The following LIMCH1 variants were observed in gnomAD, a reference collection of about 807,000 sequenced individuals.
LIMCH1 encodes LIM and calponin homology domains-containing protein 1.
Under a neutral mutation model 176.5 loss-of-function variants are expected in LIMCH1, and 113 were observed. The ratio of observed to expected loss-of-function variants is 0.64; its 90% CI spans 0.55 to 0.75. The LOEUF (loss-of-function observed/expected upper bound fraction) is 0.75, where lower values mean the gene tolerates loss of function less well. Ranked by LOEUF, LIMCH1 falls within the 30% of genes least tolerant of loss-of-function variation. The pLI is 0.00. For missense variants in LIMCH1, 1,674 were observed against 1,814.9 expected (o/e 0.92, Z 1.41); for synonymous variants, 619 against 645.9 (o/e 0.96, Z 0.63).
chr4:41,525,848 C>T (rs2076594159), intron 3 of LIMCH1, among the ~76,000 whole-genome samples: 1 of 151,916 alleles, frequency 6.6e-6, no homozygotes, highest in African/African-American at 2.4e-5. Flanking sequence ...TCTGTTTGTC[C>T]CTAAGCCTAT....
intron 1 of LIMCH1, among the ~76,000 whole-genome samples, chr4:41,483,841 T>C (rs2069073369): frequency 1.3e-5 from 2 of 152,218 alleles, no homozygotes; most frequent in Admixed American, 6.5e-5. Context: ...AGAGAGTTTA[T>C]TCTTCAGCCC....
rs139931904 is a variant in LIMCH1 at position 41,502,624 on chromosome 4, T to C, written c.167+8018T>C. On this transcript the variant is annotated intron_variant, in intron 2 of 26. Transcript: ENST00000313860. ...CTGACTGGCGTGAGACGATATCTCA[T>C]TGTGGTTTTGATTTGCATTTCTCTA... Among the ~76,000 whole-genome samples the C allele has an allele frequency of 1.8e-3, 276 of 152,310 alleles. 1 individual carries two copies. Among genetic ancestry groups the C allele is most frequent in the African/African-American group, 6.5e-3 (270 of 41,584 alleles).
At position 41,637,932 on chromosome 4, in the gene LIMCH1, C is replaced by T. The variant is rs375023028; in HGVS notation, c.2091-1000C>T. Among the ~76,000 whole-genome samples, 41 of 152,224 alleles carry T rather than the reference C, an allele frequency of 2.7e-4. 1 individual carries two copies. The highest frequency in any genetic ancestry group is 7.9e-4 in the African/African-American group (33 of 41,530). ...CATGGGACCAGGTAATTTTTGCTGC[C>T]GACTCCAAAATGTAATTTATTGGAA... is the stretch of plus-strand genomic sequence containing the variant. On this transcript the variant is annotated intron_variant, in intron 13 of 31. Transcript: ENST00000503057.
chr4:41,648,296 G>A (rs897179461), intron 17 of LIMCH1, among the ~76,000 whole-genome samples: 14 of 152,174 alleles, frequency 9.2e-5, no homozygotes, highest in African/African-American at 1.2e-4. Flanking sequence ...CAAAGTGATC[G>A]TTTAAACAGA....
At chr4:41,565,182 C>T (rs937486761) in intron 1 of LIMCH1, among the ~76,000 whole-genome samples, 1 of 152,010 alleles carries the variant, frequency 6.6e-6, no homozygotes, top group Admixed American at 6.6e-5. Context: ...CCTAGAAGCT[C>T]GTGGGATATT....
chr4:41,626,009 C>T (rs1422141324), intron 7 of LIMCH1, among the ~76,000 whole-genome samples: 2 of 151,614 alleles, frequency 1.3e-5, no homozygotes. Flanking sequence ...AGAACAAGAC[C>T]CTGTCTCTTA....
At position 41,648,658 on chromosome 4, in the gene LIMCH1, GGTGTGTGTGTGTGT is replaced by G. The variant is rs71650941; in HGVS notation, c.2821-1706_2821-1693del. 1.2e-3 allele frequency among the ~76,000 whole-genome samples: 163 copies of G among 135,400 alleles called. 1 individual carries two copies. The highest frequency in any genetic ancestry group is 2.5e-3 in the Admixed American group (33 of 13,356). 88.8% of individuals were successfully genotyped at this position (135,400 alleles called of 152,430 possible). On this transcript the variant is annotated intron_variant, in intron 17 of 31. Transcript: ENST00000503057. The stretch of plus-strand genomic sequence containing the variant: ...GCCAGGACAGAAGCTAAGGGGTAGG[GGTGTGTGTGTGTGT>G]GTGTGTGTGTGTGTGTGTGTGTGTG...
intron 1 of LIMCH1, among the ~76,000 whole-genome samples, chr4:41,591,738 T>C (rs545730597): frequency 2.0e-5 from 3 of 152,220 alleles, no homozygotes; most frequent in Non-Finnish European, 2.9e-5. Flanking sequence ...CTGGATTCAT[T>C]TGAAACCCAA....
chr4:41,605,688 A>G (rs1393778770), intron 3 of LIMCH1, among the ~76,000 whole-genome samples: 1 of 152,224 alleles, frequency 6.6e-6, no homozygotes, highest in Non-Finnish European at 1.5e-5. Flanking sequence ...TTAACTACTC[A>G]ACCGTGTTTG....
intron 6 of LIMCH1, chr4:41,619,754 G>C: frequency 2.7e-6 from 1 of 373,006 alleles, no homozygotes; most frequent in Non-Finnish European, 4.9e-6. Flanking sequence ...TGCGGAGACT[G>C]CTTGACTCCC....
chr4:41,523,563 T>C (rs1274622121), intron 2 of LIMCH1, among the ~76,000 whole-genome samples: 1 of 152,218 alleles, frequency 6.6e-6, no homozygotes, highest in Non-Finnish European at 1.5e-5. Flanking sequence ...AATAACATTC[T>C]ACATTCTACA....
chr4:41,473,006 C>T, intron 1 of LIMCH1: 1 of 983,422 alleles, frequency 1.0e-6, no homozygotes, highest in Non-Finnish European at 1.2e-6. Flanking sequence ...CCTCGGTAGG[C>T]CAGAGAATAA....
rs1016331340 is a variant in LIMCH1, at chr4:41,474,981, TA to T, written c.97-19545del. On this transcript the variant is annotated intron_variant, in intron 1 of 26. Transcript: ENST00000313860. Reference sequence around the variant, plus strand: ...TACACAAAGGAGTATTATTCAGCCTTAAAAAAAAAAGCCAGGAAATTCTGTC... The same window carrying T: ...TACACAAAGGAGTATTATTCAGCCTTAAAAAAAAAGCCAGGAAATTCTGTC... Among the ~76,000 whole-genome samples, 36 of 147,396 alleles carry T rather than the reference TA, an allele frequency of 2.4e-4. 1 individual carries two copies. The highest frequency in any genetic ancestry group is 1.4e-3 in the East Asian group (7 of 5,052).
chr4:41,668,258 A>G (rs919738971), intron 21 of LIMCH1, among the ~76,000 whole-genome samples: 1 of 152,188 alleles, frequency 6.6e-6, no homozygotes, highest in Non-Finnish European at 1.5e-5. Context: ...ACATGTGCTG[A>G]TGGATACTAG....
intron 2 of LIMCH1, among the ~76,000 whole-genome samples, chr4:41,502,919 A>G (rs1196633283): frequency 6.6e-6 from 1 of 151,768 alleles, no homozygotes; most frequent in Non-Finnish European, 1.5e-5. Context: ...ACACACACAC[A>G]CACACACACA....
At position 41,538,369 on chromosome 4, in the gene LIMCH1, A is replaced by G. The variant is rs899593565; in HGVS notation, c.-241+19A>G. 54 of 983,224 alleles carry G rather than the reference A, an allele frequency of 5.5e-5. No individual in the cohort carries two copies. The highest frequency in any genetic ancestry group is 6.4e-5 in the Non-Finnish European group (53 of 827,944). 60.9% of individuals were successfully genotyped at this position (983,224 alleles called of 1,614,324 possible). On this transcript the variant is annotated intron_variant, in intron 1 of 31. Coordinates refer to ENST00000503057, the MANE Select transcript of LIMCH1 (RefSeq NM_001330672.2). The stretch of plus-strand genomic sequence containing the variant: ...TGTGGGGGTAAGTAAAATTCATTAT[A>G]AAAGAAATACATGCTTAGGGGTATC...
At chr4:41,413,191 A>G (rs745608873) in intron 1 of LIMCH1, among the ~76,000 whole-genome samples, 2 of 150,282 alleles carry the variant, frequency 1.3e-5, no homozygotes, top group Non-Finnish European at 1.5e-5. Flanking sequence ...GAGCCATGTT[A>G]TTATATGCAA....
intron 26 of LIMCH1, 81 bp downstream of exon 26, chr4:41,682,541 T>C (rs2153049651): frequency 4.4e-6 from 6 of 1,357,918 alleles, no homozygotes; most frequent in Non-Finnish European, 6.0e-6. Flanking sequence ...TACTCATTGC[T>C]GATGCAAATT....
chr4:41,509,377 C>G (rs144852474), intron 2 of LIMCH1, among the ~76,000 whole-genome samples: 1 of 152,316 alleles, frequency 6.6e-6, no homozygotes, highest in Non-Finnish European at 1.5e-5. Context: ...AGCTCTCTCT[C>G]TAACCCAGAT....
Sources: allele counts gnomAD v4.1 joint callset (sites outside exome capture counted in the v4.1 genomes callset), GRCh38; gene constraint gnomAD v4.1.1; transcripts MANE v1.5; gene names NCBI Gene and HGNC (gene_info 2026-07-23, HGNC 2026-07-21).